The following GPM6A variants were observed in gnomAD, a reference collection of about 807,000 sequenced individuals.
The protein encoded by GPM6A is glycoprotein M6A.
In GPM6A, 7 loss-of-function variants were observed where a neutral mutation model predicts 32.1. The observed-to-expected ratio is 0.22, with a 90% CI of 0.12 to 0.41. The LOEUF (loss-of-function observed/expected upper bound fraction) is 0.41. Ranked by LOEUF, GPM6A falls within the 10% of genes least tolerant of loss-of-function variation. GPM6A has a pLI of 1.00. For missense variants in GPM6A, 235 were observed against 347.2 expected, an observed-to-expected ratio of 0.68 and a Z score of 2.57; for synonymous variants, 130 against 123.4, an observed-to-expected ratio of 1.05 and a Z score of -0.35.
At chr4:175,839,736 T>A (rs1027221060) in intron 1 of GPM6A, among the ~76,000 whole-genome samples, 20 of 152,172 alleles carry the variant, frequency 1.3e-4, no homozygotes, top group Non-Finnish European at 2.2e-4. Flanking sequence ...AAATACTTTA[T>A]AATTGAAGTT....
At chr4:175,665,221 C>A (rs575643422) in intron 3 of GPM6A, among the ~76,000 whole-genome samples, 1 of 152,224 alleles carries the variant, frequency 6.6e-6, no homozygotes, top group East Asian at 1.9e-4. Flanking sequence ...TTAATCCCTT[C>A]TCTCCGTGCA....
rs947791688 is a variant in GPM6A at position 175,803,650 on chromosome 4, G to GA, written c.37+8540dup. Reference sequence around the variant, plus strand: ...AATTAATTCTCAAAATGGAGATTTTGAAAAAAATATGGTTGAATAACACAG... The same window carrying GA: ...AATTAATTCTCAAAATGGAGATTTTGAAAAAAAATATGGTTGAATAACACAG... On this transcript the variant is annotated intron_variant, in intron 1 of 6. Transcript: ENST00000393658. Among the ~76,000 whole-genome samples the GA allele has an allele frequency of 4.1e-4, 62 of 151,954 alleles. 1 individual carries two copies. Among genetic ancestry groups the GA allele is most frequent in the African/African-American group, 1.3e-3 (54 of 41,382 alleles).
In GPM6A at chr4:175,647,197, A is replaced by G. The variant is rs569743133; in HGVS notation, c.541+4637T>C. Among the ~76,000 whole-genome samples, 3 of 152,346 alleles carry G rather than the reference A, an allele frequency of 2.0e-5. No homozygotes were observed. In the East Asian group the frequency reaches 5.8e-4, roughly 29 times the overall value. ...TAAAAGTCTAAAAGAAGCCCCACCT[A>G]CTTTCTCTCTGTGTTGGCTCTTAAG... On this transcript the variant is annotated intron_variant, in intron 4 of 6. Coordinates refer to ENST00000393658, the MANE Select transcript of GPM6A (RefSeq NM_201591.3).
At chr4:175,939,938 T>C (rs1413792928) in intron 1 of GPM6A, among the ~76,000 whole-genome samples, 2 of 151,986 alleles carry the variant, frequency 1.3e-5, no homozygotes, top group Non-Finnish European at 2.9e-5. Flanking sequence ...AGACTACATA[T>C]AATATTTCTG....
At chr4:175,780,207 C>G (rs1172540921) in intron 1 of GPM6A, among the ~76,000 whole-genome samples, 1 of 151,934 alleles carries the variant, frequency 6.6e-6, no homozygotes, top group Non-Finnish European at 1.5e-5. Context: ...GCCCCCACGC[C>G]CAGCTGATTT....
intron 1 of GPM6A, among the ~76,000 whole-genome samples, chr4:175,745,532 A>T (rs1472095651): frequency 6.6e-6 from 1 of 152,224 alleles, no homozygotes; most frequent in Non-Finnish European, 1.5e-5. Flanking sequence ...GAATGAGAGC[A>T]AGTCCCTGCC....
chr4:175,676,322 G>A (rs1743364644), intron 2 of GPM6A, among the ~76,000 whole-genome samples: 1 of 152,082 alleles, frequency 6.6e-6, no homozygotes, highest in South Asian at 2.1e-4. Flanking sequence ...TTACATGTGT[G>A]AGCCACTACA....
intron 1 of GPM6A, among the ~76,000 whole-genome samples, chr4:175,867,238 C>G (rs183556327): frequency 5.3e-5 from 8 of 152,126 alleles, no homozygotes; most frequent in Non-Finnish European, 1.0e-4. Context: ...TTTCACAGGG[C>G]AGAAGTTTTT....
chr4:175,867,673 T>C (rs1322860038), intron 1 of GPM6A, among the ~76,000 whole-genome samples: 1 of 152,170 alleles, frequency 6.6e-6, no homozygotes, highest in African/African-American at 2.4e-5. Flanking sequence ...CAATATTGCA[T>C]TGTCTTGATT....
chr4:175,710,087 C>T (rs528609958), intron 1 of GPM6A, among the ~76,000 whole-genome samples: 54 of 152,250 alleles, frequency 3.5e-4, no homozygotes, highest in Admixed American at 8.5e-4. Context: ...TAGCAAACAG[C>T]ACTAATGACT....
Position 175,634,824 on chromosome 4 carries a change from GT to G in GPM6A, c.*80del. ...CATTGATGAGAAGCACTTTCGTTTT[GT>G]TTTTTAAAGGTTGGATGGTTGGATG... On this transcript the variant is annotated 3_prime_UTR_variant, in exon 7 of 7. Coordinates refer to ENST00000393658, the MANE Select transcript of GPM6A (RefSeq NM_201591.3). 2.2e-5 allele frequency: 27 copies of G among 1,201,690 alleles called. No homozygotes were observed. The highest frequency in any genetic ancestry group is 3.1e-5 in the Non-Finnish European group (26 of 831,490). 74.4% of individuals were successfully genotyped at this position (1,201,690 alleles called of 1,614,324 possible).
chr4:175,700,594 T>C (rs574088904), intron 2 of GPM6A, among the ~76,000 whole-genome samples: 1 of 152,296 alleles, frequency 6.6e-6, no homozygotes, highest in South Asian at 2.1e-4. Context: ...AGCATCATAT[T>C]AGTTAAAAAT....
chr4:175,909,818 A>G (rs1738256680), intron 1 of GPM6A, among the ~76,000 whole-genome samples: 1 of 152,198 alleles, frequency 6.6e-6, no homozygotes, highest in South Asian at 2.1e-4. Context: ...TAAACAACAT[A>G]TTTAATGAGA....
chr4:175,828,859 AC>A (rs113134024), intron 1 of GPM6A, among the ~76,000 whole-genome samples: 9,656 of 152,128 alleles, frequency 0.063, 980 homozygotes, highest in African/African-American at 0.22. Context: ...AAATAGAAAG[AC>A]TGTAAATTTA....
intron 1 of GPM6A, among the ~76,000 whole-genome samples, chr4:175,737,360 G>A (rs1449802189): frequency 1.3e-5 from 2 of 151,898 alleles, no homozygotes; most frequent in East Asian, 3.9e-4. Context: ...CTGTAATCCT[G>A]TACGCCTGTA....
Position 175,633,196 on chromosome 4 carries a change from C to T in GPM6A, c.*1709G>A, listed in dbSNP as rs1204564811. 1.3e-5 allele frequency: 2 copies of T among 152,342 alleles called. No individual in the cohort carries two copies. The highest frequency in any genetic ancestry group is 2.9e-5 in the Non-Finnish European group (2 of 67,880). The allele number at this position is 152,342 out of a possible 1,614,324, so 9.4% of individuals were successfully genotyped here. ...ACTGTTAAGACACGGAACTGAAATA[C>T]TATAATATAGAATTTAAAGAAGCCC... On this transcript the variant is annotated 3_prime_UTR_variant, in exon 7 of 7. Transcript: ENST00000393658.
chr4:175,778,555 G>A (rs1353805120), intron 1 of GPM6A, among the ~76,000 whole-genome samples: 2 of 150,522 alleles, frequency 1.3e-5, no homozygotes, highest in East Asian at 3.9e-4. Flanking sequence ...AACCTGGGAG[G>A]TGGAGGTTGC....
At chr4:175,687,005 G>A (rs1246319940) in intron 2 of GPM6A, among the ~76,000 whole-genome samples, 1 of 152,172 alleles carries the variant, frequency 6.6e-6, no homozygotes, top group Non-Finnish European at 1.5e-5. Context: ...GTAAAAATGA[G>A]TAGCTTTTCT....
At chr4:175,944,469 C>T (rs1485796504) in intron 1 of GPM6A, among the ~76,000 whole-genome samples, 1 of 152,032 alleles carries the variant, frequency 6.6e-6, no homozygotes, top group Non-Finnish European at 1.5e-5. Flanking sequence ...AAAATGCATA[C>T]TGATTTTTAT....
Sources: allele counts gnomAD v4.1 joint callset (sites outside exome capture counted in the v4.1 genomes callset), GRCh38; gene constraint gnomAD v4.1.1; transcripts MANE v1.5; gene names NCBI Gene and HGNC (gene_info 2026-07-23, HGNC 2026-07-21).